The following KIAA1328 variants were observed in gnomAD, a reference collection of about 807,000 sequenced individuals.
KIAA1328 encodes the protein KIAA1328.
Under a neutral mutation model 68.1 loss-of-function variants are expected in KIAA1328, and 52 were observed. The ratio of observed to expected loss-of-function variants is 0.76; its 90% CI spans 0.61 to 0.96. KIAA1328 has a LOEUF of 0.96. Among genes scored for constraint, KIAA1328 ranks in the 40% least tolerant of loss-of-function variants. The pLI is 0.00. For missense variants in KIAA1328, 641 were observed against 677.6 expected, an observed-to-expected ratio of 0.95 and a Z score of 0.60; for synonymous variants, 232 against 239.4, an observed-to-expected ratio of 0.97 and a Z score of 0.28.
intron 5 of KIAA1328, among the ~76,000 whole-genome samples, chr18:36,954,019 G>A (rs1449202924): frequency 6.4e-5 from 4 of 62,440 alleles, no homozygotes; most frequent in East Asian, 4.9e-4. Flanking sequence ...TTTTTGAGAC[G>A]GAGTCTCGCT....
At chr18:36,946,947 A>G (rs529456677) in intron 5 of KIAA1328, among the ~76,000 whole-genome samples, 1 of 152,302 alleles carries the variant, frequency 6.6e-6, no homozygotes, top group Admixed American at 6.5e-5. Context: ...GGAACACTTG[A>G]TGTCACTGGA....
chr18:37,016,278 G>A (rs946552534), intron 6 of KIAA1328, among the ~76,000 whole-genome samples: 1 of 152,062 alleles, frequency 6.6e-6, no homozygotes, highest in Non-Finnish European at 1.5e-5. Flanking sequence ...TTTTAATTCT[G>A]TTTATGTGGT....
At chr18:36,849,200 C>A (rs1175077882) in intron 4 of KIAA1328, among the ~76,000 whole-genome samples, 2 of 151,858 alleles carry the variant, frequency 1.3e-5, no homozygotes, top group African/African-American at 2.4e-5. Flanking sequence ...CTCACCAGCC[C>A]CTGGTAACCA....
chr18:37,082,707 A>G (rs1448914473), intron 7 of KIAA1328, among the ~76,000 whole-genome samples: 1 of 152,178 alleles, frequency 6.6e-6, no homozygotes, highest in Non-Finnish European at 1.5e-5. Flanking sequence ...TCATTCTGCC[A>G]CCTTGTTACT....
intron 6 of KIAA1328, among the ~76,000 whole-genome samples, chr18:36,963,195 C>A (rs900437993): frequency 6.6e-6 from 1 of 152,152 alleles, no homozygotes; most frequent in Non-Finnish European, 1.5e-5. Flanking sequence ...TGTGAAGTTT[C>A]CCTGCTACAC....
At chr18:36,904,765 A>G (rs2049158067) in intron 5 of KIAA1328, among the ~76,000 whole-genome samples, 2 of 151,900 alleles carry the variant, frequency 1.3e-5, no homozygotes, top group African/African-American at 4.8e-5. Flanking sequence ...AGTTTGTTCC[A>G]TTTGACCTTT....
chr18:37,118,400 C>T (rs2058180692), intron 7 of KIAA1328, among the ~76,000 whole-genome samples: 1 of 152,124 alleles, frequency 6.6e-6, no homozygotes, highest in South Asian at 2.1e-4. Context: ...ACCTTTATTC[C>T]TGAAGGGGCT....
chr18:37,029,857 G>A (rs2054751588), intron 6 of KIAA1328, among the ~76,000 whole-genome samples: 1 of 152,048 alleles, frequency 6.6e-6, no homozygotes, highest in Non-Finnish European at 1.5e-5. Context: ...TTTTTTGTGA[G>A]AATATTTTTA....
intron 6 of KIAA1328, among the ~76,000 whole-genome samples, chr18:37,000,463 CA>C (rs1246449168): frequency 6.6e-6 from 1 of 152,054 alleles, no homozygotes; most frequent in East Asian, 1.9e-4. Flanking sequence ...AGAAAATGAA[CA>C]AATAAACATT....
At chr18:37,114,252 G>C (rs1351529508) in intron 7 of KIAA1328, among the ~76,000 whole-genome samples, 1 of 152,120 alleles carries the variant, frequency 6.6e-6, no homozygotes, top group African/African-American at 2.4e-5. Context: ...TGACCACATA[G>C]TTGGAAGTAA....
intron 7 of KIAA1328, among the ~76,000 whole-genome samples, chr18:37,131,843 A>C (rs986632210): frequency 2.0e-5 from 3 of 152,172 alleles, no homozygotes. Context: ...ATCCTTATTC[A>C]TACTCTGAGG....
At chr18:36,906,315 C>T (rs2049219291) in intron 5 of KIAA1328, among the ~76,000 whole-genome samples, 1 of 152,124 alleles carries the variant, frequency 6.6e-6, no homozygotes, top group Admixed American at 6.6e-5. Context: ...AATCTACCAC[C>T]TTACAATATA....
chr18:36,858,361 T>C (rs994080127), intron 4 of KIAA1328, among the ~76,000 whole-genome samples: 3 of 152,196 alleles, frequency 2.0e-5, no homozygotes, highest in Admixed American at 6.5e-5. Flanking sequence ...TATTTTTTTC[T>C]TTAAGCATTT....
At chr18:37,014,576 T>C (rs2054086269) in intron 6 of KIAA1328, among the ~76,000 whole-genome samples, 1 of 152,130 alleles carries the variant, frequency 6.6e-6, no homozygotes, top group South Asian at 2.1e-4. Flanking sequence ...CAGGACCTGC[T>C]TCTGAGGAGG....
intron 5 of KIAA1328, among the ~76,000 whole-genome samples, chr18:36,907,469 T>A (rs896228310): frequency 1.3e-5 from 2 of 152,144 alleles, no homozygotes; most frequent in African/African-American, 4.8e-5. Flanking sequence ...TTCTTTTCTA[T>A]TCCTAGTGTG....
chr18:37,082,543 A>C (rs1231243975), intron 7 of KIAA1328, among the ~76,000 whole-genome samples: 1 of 152,230 alleles, frequency 6.6e-6, no homozygotes, highest in African/African-American at 2.4e-5. Flanking sequence ...TATAGTGCTC[A>C]GGATGTTCAG....
intron 7 of KIAA1328, among the ~76,000 whole-genome samples, chr18:37,114,833 A>T (rs1306487642): frequency 1.3e-5 from 2 of 152,218 alleles, no homozygotes; most frequent in Non-Finnish European, 2.9e-5. Flanking sequence ...TAAAGGGGAT[A>T]TCACCACTGA....
At chr18:36,829,222 G>T (rs1181503582) in intron 1 of KIAA1328, 26 bp downstream of exon 1, 2 of 1,499,324 alleles carry the variant, frequency 1.3e-6, no homozygotes, top group South Asian at 1.3e-5. Context: ...CTGACAGGGG[G>T]CGCCGGCGCC....
chr18:37,078,159 C>G (rs1273225468), intron 7 of KIAA1328, among the ~76,000 whole-genome samples: 12 of 152,148 alleles, frequency 7.9e-5, no homozygotes, highest in Non-Finnish European at 1.8e-4. Flanking sequence ...GAACAGAGCC[C>G]TCAGAAATAA....
Sources: gnomAD v4.1 joint callset for allele counts (sites outside exome capture counted in the v4.1 genomes callset) on GRCh38, gnomAD v4.1.1 for gene constraint, MANE v1.5 for transcripts, NCBI Gene and HGNC (gene_info 2026-07-23, HGNC 2026-07-21) for gene names.